The following GBP2 variants were observed in gnomAD, a reference collection of about 807,000 sequenced individuals.
GBP2 encodes guanylate-binding protein 2.
Under a neutral mutation model 60.8 loss-of-function variants are expected in GBP2, and 54 were observed. That is an observed-to-expected ratio of 0.89 (90% CI 0.71 to 1.11). The LOEUF (loss-of-function observed/expected upper bound fraction) is 1.11. Ranked by LOEUF, GBP2 falls within the 50% of genes most tolerant of loss-of-function variation. The pLI, the probability that GBP2 is intolerant of heterozygous loss-of-function variation, is 0.00. For missense variants in GBP2, 665 were observed against 703.3 expected, an observed-to-expected ratio of 0.95 and a Z score of 0.62; for synonymous variants, 243 against 256.5, an observed-to-expected ratio of 0.95 and a Z score of 0.50.
chr1:89,113,997 C>T lies in GBP2; in HGVS notation c.1149+19G>A, dbSNP rs371648215. On this transcript the variant is annotated intron_variant, in intron 7 of 10. Coordinates refer to ENST00000370466, the MANE Select transcript of GBP2 (RefSeq NM_004120.5). ...GCCCATATTTTTCTGCCTCTCATGA[C>T]GTAGAACACCAAATATACCCCTAAT... The T allele has an allele frequency of 1.7e-4, 280 of 1,613,186 alleles. No homozygotes were observed. Among genetic ancestry groups the T allele is most frequent in the Admixed American group, 6.2e-4 (37 of 60,002 alleles).
chr1:89,112,782 G>T, intron 7 of GBP2, 98 bp from the exon 8 acceptor site: 1 of 950,346 alleles, frequency 1.1e-6, no homozygotes, highest in Non-Finnish European at 1.7e-6. Flanking sequence ...AGAAATTGTG[G>T]CCCTCTAAAT....
chr1:89,114,519 T>C (rs553642348), intron 6 of GBP2, among the ~76,000 whole-genome samples: 6 of 152,338 alleles, frequency 3.9e-5, no homozygotes, highest in Non-Finnish European at 8.8e-5. Context: ...GTTAGGATAT[T>C]TTGGGGCTGA....
At chr1:89,115,127 AAC>A (rs1391298352) in intron 6 of GBP2, among the ~76,000 whole-genome samples, 3 of 152,232 alleles carry the variant, frequency 2.0e-5, no homozygotes, top group Admixed American at 6.5e-5. Flanking sequence ...CTCATTAAAT[AAC>A]ACAGCCATTC....
rs548895944 is a variant in GBP2 at position 89,107,337 on chromosome 1, A to G, written c.*838T>C. Among the ~76,000 whole-genome samples the G allele has an allele frequency of 3.3e-5, 5 of 152,240 alleles. No individual in the cohort carries two copies. The highest frequency in any genetic ancestry group is 1.2e-4 in the African/African-American group (5 of 41,552). On this transcript the variant is annotated 3_prime_UTR_variant, in exon 11 of 11. Coordinates refer to ENST00000370466, the MANE Select transcript of GBP2 (RefSeq NM_004120.5). The stretch of plus-strand genomic sequence containing the variant: ...ATAGTCCTGGTCCTCAGAAGAATGG[A>G]AAGTAATTTGAGTTTGAGTTAAAGC...
intron 1 of GBP2, among the ~76,000 whole-genome samples, chr1:89,123,912 T>C (rs557898875): frequency 5.9e-5 from 9 of 152,372 alleles, no homozygotes; most frequent in Non-Finnish European, 1.3e-4. Flanking sequence ...TCCATAGATA[T>C]CCAATCTTGT....
At position 89,106,260 on chromosome 1, in the gene GBP2, C is replaced by CT. The variant is rs1338787733; in HGVS notation, c.*1914dup. The CT allele has an allele frequency of 6.6e-6, 1 of 152,002 alleles. No individual in the cohort carries two copies. The highest frequency in any genetic ancestry group is 1.5e-5 in the Non-Finnish European group (1 of 68,014). 9.4% of individuals were successfully genotyped at this position (152,002 alleles called of 1,614,324 possible). On this transcript the variant is annotated 3_prime_UTR_variant, in exon 11 of 11. Transcript: ENST00000370466. ...GGAATTGTAAGAAAGAATAAAGTTGCTTTTTGCTTTCACAGAACTAGATAC... is the reference window on the plus strand; with the variant it reads ...GGAATTGTAAGAAAGAATAAAGTTGCTTTTTTGCTTTCACAGAACTAGATAC...
At chr1:89,108,498 G>A (rs530747337) in intron 10 of GBP2, among the ~76,000 whole-genome samples, 8 of 152,062 alleles carry the variant, frequency 5.3e-5, no homozygotes, top group Non-Finnish European at 8.8e-5. Context: ...GTGACCCAGC[G>A]TTTTATTCCT....
intron 8 of GBP2, 137 bp from the exon 9 acceptor site, chr1:89,110,403 C>A: frequency 1.5e-6 from 1 of 665,724 alleles, no homozygotes; most frequent in Non-Finnish European, 2.6e-6. Context: ...TTTATAGCAG[C>A]ACAATTCGCA....
At chr1:89,116,784 T>C (rs552216039) in intron 6 of GBP2, among the ~76,000 whole-genome samples, 1 of 149,600 alleles carries the variant, frequency 6.7e-6, no homozygotes, top group African/African-American at 2.5e-5. Flanking sequence ...AGTTCTTTTC[T>C]TTTTTTATTC....
At chr1:89,115,224 C>T (rs1244065918) in intron 6 of GBP2, among the ~76,000 whole-genome samples, 1 of 152,154 alleles carries the variant, frequency 6.6e-6, no homozygotes, top group Non-Finnish European at 1.5e-5. Flanking sequence ...CCTCTATCAA[C>T]AGGCCTTTTA....
chr1:89,115,436 C>A (rs1557440100), intron 6 of GBP2, among the ~76,000 whole-genome samples: 2 of 152,108 alleles, frequency 1.3e-5, no homozygotes, highest in Admixed American at 6.6e-5. Context: ...ATAACCTTAC[C>A]TCACTGCCAA....
At chr1:89,117,257 T>C (rs775502366) in intron 5 of GBP2, 23 bp from the exon 6 acceptor site, 4 of 1,579,880 alleles carry the variant, frequency 2.5e-6, no homozygotes, top group East Asian at 2.2e-5. Context: ...AAATTAGAAG[T>C]AGTAAAACTT....
rs1425607065 is a variant in GBP2 at position 89,114,178 on chromosome 1, A to T, written c.987T>A (p.Ala329=). ...CCATCTGCTGTTCATAGTGGGCAATAGCCTTTTCCACTGCGGCTGAGTTCT... is the reference window on the plus strand; with the variant it reads ...CCATCTGCTGTTCATAGTGGGCAATTGCCTTTTCCACTGCGGCTGAGTTCT... ...QIENSAAVEK[A]IAHYEQQMGQ... The change falls in exon 7 of 11, where the codon GCT becomes GCA. Residue 329 remains alanine (A), a synonymous_variant. Transcript: ENST00000370466. 1.2e-6 allele frequency: 2 copies of T among 1,614,220 alleles called. No homozygotes were observed. The highest frequency in any genetic ancestry group is 1.7e-5 in the Admixed American group (1 of 60,018).
intron 6 of GBP2, among the ~76,000 whole-genome samples, chr1:89,114,853 C>T (rs1250939573): frequency 6.6e-6 from 1 of 152,178 alleles, no homozygotes; most frequent in Non-Finnish European, 1.5e-5. Context: ...GATCACACAA[C>T]AAAAGATGAT....
At position 89,109,851 on chromosome 1, in the gene GBP2, T is replaced by C. The variant is rs759080474; in HGVS notation, c.1485A>G (p.Glu495=). 7.4e-6 allele frequency: 12 copies of C among 1,613,588 alleles called. No homozygotes were observed. The change falls in exon 10 of 11, where the codon GAA becomes GAG. Residue 495 remains glutamate, a synonymous_variant. Transcript: ENST00000370466. ...KAIEVERIKA[E]SAEAAKKMLE... ...ACATTTTCTTTGCAGCTTCTGCAGA[T>C]TCAGCCTTTATACGTTCCACTGTGG...
chr1:89,110,302 T>A, intron 8 of GBP2, 36 bp from the exon 9 acceptor site: 1 of 1,512,258 alleles, frequency 6.6e-7, no homozygotes, highest in Non-Finnish European at 9.2e-7. Context: ...GAAGAAAGAG[T>A]GATTGTGGGT....
intron 1 of GBP2, among the ~76,000 whole-genome samples, chr1:89,123,532 T>C (rs1681455311): frequency 1.3e-5 from 2 of 152,234 alleles, no homozygotes; most frequent in Admixed American, 1.3e-4. Context: ...ACATATAATT[T>C]GTTTTAAAGT....
In GBP2 at chr1:89,114,205, T is replaced by C. The variant is rs1398669022; in HGVS notation, c.960A>G (p.Ile320Met). The C allele has an allele frequency of 6.2e-7, 1 of 1,614,236 alleles. No individual in the cohort carries two copies. Among genetic ancestry groups the C allele is most frequent in the South Asian group, 1.1e-5 (1 of 91,084 alleles). Residue 320 changes from isoleucine (I) to methionine (M), a missense_variant, in exon 7 of 11, where the codon ATA becomes ATG. By Grantham distance (10) the Ile-to-Met change is conservative. Transcript: ENST00000370466. ...MENAVLALAQ[I>M]ENSAAVEKAI... is the part of the protein sequence containing the mutation. ...CCTTTTCCACTGCGGCTGAGTTCTC[T>C]ATCTGGGCCAAGGCCAGGACTGCGT...
chr1:89,122,358 C>G (rs1469505811), intron 1 of GBP2, among the ~76,000 whole-genome samples: 3 of 152,156 alleles, frequency 2.0e-5, no homozygotes, highest in Admixed American at 2.0e-4. Context: ...GCTCCATGAC[C>G]CAATCCAGGA....
Sources: allele counts gnomAD v4.1 joint callset (sites outside exome capture counted in the v4.1 genomes callset), GRCh38; gene constraint gnomAD v4.1.1; transcripts MANE v1.5; gene names NCBI Gene and HGNC (gene_info 2026-07-23, HGNC 2026-07-21).